Variants in BNC1 observed in about 807,000 individuals in gnomAD.
BNC1 encodes the protein zinc finger protein basonuclin-1.
A neutral mutation model predicts 66.5 loss-of-function variants in BNC1; 8 were observed. The ratio of observed to expected loss-of-function variants is 0.12; its 90% CI spans 0.07 to 0.22. The LOEUF is 0.22. Among genes scored for constraint, BNC1 ranks in the 10% least tolerant of loss-of-function variants. The pLI, the probability that BNC1 is intolerant of heterozygous loss-of-function variation, is 1.00. For missense variants in BNC1, 1,069 were observed against 1,241.3 expected (o/e 0.86, Z 2.09); for synonymous variants, 454 against 452.6 (o/e 1.00, Z -0.04).
chr15:83,272,001 C>A (rs2038274565), intron 1 of BNC1, among the ~76,000 whole-genome samples: 2 of 152,210 alleles, frequency 1.3e-5, no homozygotes, highest in Admixed American at 1.3e-4. Flanking sequence ...GTTTGTAATA[C>A]ACCTAAAACG....
chr15:83,283,986 C>T (rs984219068), intron 1 of BNC1, among the ~76,000 whole-genome samples: 2 of 152,102 alleles, frequency 1.3e-5, no homozygotes, highest in Non-Finnish European at 2.9e-5. Context: ...CCCGTCTCCG[C>T]AGTTCTCCTC....
chr15:83,282,447 T>C (rs2038388691), intron 1 of BNC1, among the ~76,000 whole-genome samples: 1 of 152,250 alleles, frequency 6.6e-6, no homozygotes, highest in African/African-American at 2.4e-5. Context: ...TTCACACCTC[T>C]TTAAAGAGCA....
chr15:83,267,194 C>G (rs548819850), intron 2 of BNC1, 123 bp from the exon 3 acceptor site: 3 of 701,232 alleles, frequency 4.3e-6, no homozygotes, highest in Non-Finnish European at 7.2e-6. Context: ...CATGAATATA[C>G]AAATGATTAA....
intron 4 of BNC1, among the ~76,000 whole-genome samples, chr15:83,262,297 C>T (rs1055312655): frequency 4.6e-5 from 7 of 152,156 alleles, no homozygotes; most frequent in East Asian, 1.9e-4. Context: ...GTGATCTGCC[C>T]GCCCTGGCCT....
intron 1 of BNC1, chr15:83,283,055 A>T: frequency 4.2e-6 from 5 of 1,195,318 alleles, no homozygotes; most frequent in Non-Finnish European, 5.9e-6. Context: ...CGAACCCCCG[A>T]GCGTCTGATG....
intron 1 of BNC1, chr15:83,283,474 G>A (rs1472696845): frequency 5.1e-6 from 5 of 985,298 alleles, no homozygotes; most frequent in Non-Finnish European, 6.0e-6. Context: ...CTCCCGAGAC[G>A]GGCGAGCCAC....
chr15:83,258,150 G>A, intron 4 of BNC1, 24 bp from the exon 5 acceptor site: 2 of 1,567,254 alleles, frequency 1.3e-6, no homozygotes, highest in Non-Finnish European at 8.7e-7. Context: ...AAGATGGTTA[G>A]TAATGGGTTG....
At position 83,264,736 on chromosome 15, in the gene BNC1, C is replaced by T. The variant is rs776204255; in HGVS notation, c.515G>A (p.Arg172His). The T allele has an allele frequency of 1.9e-6, 3 of 1,614,022 alleles. No individual in the cohort carries two copies. Among genetic ancestry groups the T allele is most frequent in the South Asian group, 1.1e-5 (1 of 91,072 alleles). The change falls in exon 4 of 5, where the codon CGT becomes CAT. Residue 172 changes from arginine (R) to histidine (H), a missense_variant. Arg to His is a conservative substitution (Grantham distance 29, BLOSUM62 0). This residue lies in a region of BNC1 where 181 missense variants were observed against 181.5 expected (regional missense o/e 1.00). Transcript: ENST00000345382. ...AACTATAGATTTGGTCTCTCCAAAA[C>T]GAAGGAACTGCTGCAAGGTGGCCAC... ...EEVATLQQFL[R>H]FGETKSIVEL...
In BNC1 at chr15:83,259,771, T is replaced by C. The variant is rs527487092; in HGVS notation, c.2301-1645A>G. On this transcript the variant is annotated intron_variant, in intron 4 of 4. Coordinates refer to ENST00000345382, the MANE Select transcript of BNC1 (RefSeq NM_001717.4). Reference sequence around the variant, plus strand: ...CTCCTGAGTATTCCATGCATACTAATGGCTAACTTGTGGGCTCTCGCTCCT... The same window carrying C: ...CTCCTGAGTATTCCATGCATACTAACGGCTAACTTGTGGGCTCTCGCTCCT... Among the ~76,000 whole-genome samples, 11 of 152,318 alleles carry C rather than the reference T, an allele frequency of 7.2e-5. No individual in the cohort carries two copies. The South Asian group carries it at 1.9e-3, about 26-fold the overall frequency.
rs1340436632 is a variant in BNC1 at position 83,258,052 on chromosome 15, C to T, written c.2375G>A (p.Arg792His). ...CACATCTTTCAGAAGGTAAGCTGCA[C>T]GGAAATGATCTTCACTACTCTCCAA... ...EALESSEDHF[R>H]AAYLLKDVAK... The change falls in exon 5 of 5, where the codon CGT becomes CAT. Residue 792 changes from arginine to histidine, a missense_variant. Physicochemically the swap from Arg to His is conservative, Grantham distance 29. This residue lies in a region of BNC1 where 657 missense variants were observed against 715.8 expected (regional missense o/e 0.92). Transcript: ENST00000345382. The T allele has an allele frequency of 8.7e-6, 14 of 1,613,470 alleles. No individual in the cohort carries two copies. The highest frequency in any genetic ancestry group is 1.7e-5 in the Admixed American group (1 of 60,000).
chr15:83,264,499 G>A lies in BNC1; in HGVS notation c.752C>T (p.Pro251Leu), dbSNP rs1240385925. Residue 251 changes from proline (P) to leucine (L), a missense_variant, in exon 4 of 5, where the codon CCT (proline) becomes CTT (leucine). By Grantham distance (98) the Pro-to-Leu change is moderately conservative. Around this residue, in one of 7 missense-constraint regions of BNC1, gnomAD observed 181 missense variants for 181.5 expected, o/e 1.00. Transcript: ENST00000345382. ...TFMLPFQFFNPLPPALIGSLP... is the reference protein window; with the variant it reads ...TFMLPFQFFNLLPPALIGSLP... ...TGACCCTATCAGTGCAGGAGGCAGA[G>A]GGTTGAAGAACTGGAAAGGCAGCAT... 1 of 1,614,050 alleles carries A rather than the reference G, an allele frequency of 6.2e-7. No homozygotes were observed. The highest frequency in any genetic ancestry group is 8.5e-7 in the Non-Finnish European group (1 of 1,180,036).
At position 83,267,062 on chromosome 15, in the gene BNC1, T is replaced by C; in HGVS notation, c.209A>G (p.Lys70Arg). The change falls in exon 3 of 5, where the codon AAG (lysine) becomes AGG (arginine). Residue 70 changes from lysine (K) to arginine (R), a missense_variant. Physicochemically the swap from Lys to Arg is conservative, Grantham distance 26. Around this residue, in one of 7 missense-constraint regions of BNC1, gnomAD observed 2 missense variants for 17.2 expected, o/e 0.12. Transcript: ENST00000345382. ...KHGWVAHALS[K>R]LRIPPMYPTS... ...TGGATACATGGGGGGGATCCTTAGC[T>C]TACTTAGAGCTGAAAAATCAAATTG... 6.2e-7 allele frequency: 1 copy of C among 1,612,186 alleles called. No individual in the cohort carries two copies. Among genetic ancestry groups the C allele is most frequent in the Non-Finnish European group, 8.5e-7 (1 of 1,178,300 alleles).
rs1346986613 is a variant in BNC1 at position 83,268,352 on chromosome 15, T to C, written c.100-120A>G. Reference sequence around the variant, plus strand: ...CACTTATTGAGCAATATGTGCCCACTGTGTGCCAGGCCCAGAAGTGTATAT... The same window carrying C: ...CACTTATTGAGCAATATGTGCCCACCGTGTGCCAGGCCCAGAAGTGTATAT... On this transcript the variant is annotated intron_variant, in intron 1 of 4. Transcript: ENST00000345382. The C allele has an allele frequency of 6.9e-6, 6 of 863,772 alleles. No individual in the cohort carries two copies. The East Asian group carries it at 1.6e-4, about 22-fold the overall frequency. The allele number at this position is 863,772 out of a possible 1,614,324, so 53.5% of individuals were successfully genotyped here.
chr15:83,281,852 C>T (rs561422801), intron 1 of BNC1, among the ~76,000 whole-genome samples: 3 of 152,332 alleles, frequency 2.0e-5, no homozygotes, highest in South Asian at 4.1e-4. Flanking sequence ...CGGGTTGGAT[C>T]GTCTTTCCAA....
At chr15:83,282,025 A>T (rs374514228) in intron 1 of BNC1, among the ~76,000 whole-genome samples, 11 of 152,262 alleles carry the variant, frequency 7.2e-5, no homozygotes, top group African/African-American at 2.7e-4. Flanking sequence ...AATTATAACC[A>T]CAGCAAACAG....
At chr15:83,275,395 C>A (rs1311720599) in intron 1 of BNC1, among the ~76,000 whole-genome samples, 1 of 150,208 alleles carries the variant, frequency 6.7e-6, no homozygotes, top group Admixed American at 6.7e-5. Context: ...ACTTGGGAGG[C>A]TGAGGCAGGA....
intron 1 of BNC1, chr15:83,282,988 A>C (rs2038395300): frequency 2.1e-6 from 2 of 970,970 alleles, no homozygotes; most frequent in Non-Finnish European, 3.0e-6. Flanking sequence ...GCCGCTTTAA[A>C]TGCCCTGGCC....
At chr15:83,284,418 G>T in intron 1 of BNC1, 112 bp downstream of exon 1, 1 of 633,842 alleles carries the variant, frequency 1.6e-6, no homozygotes, top group Non-Finnish European at 2.0e-6. Flanking sequence ...TAGCCAGCTG[G>T]CCCTCGGGAG....
At chr15:83,272,983 G>T (rs1231925309) in intron 1 of BNC1, among the ~76,000 whole-genome samples, 1 of 152,128 alleles carries the variant, frequency 6.6e-6, no homozygotes, top group Non-Finnish European at 1.5e-5. Context: ...TGCCCTTGGG[G>T]GGGGGCCTAT....
Sources: gnomAD v4.1 joint callset for allele counts (sites outside exome capture counted in the v4.1 genomes callset) on GRCh38, gnomAD v4.1.1 for gene constraint, gnomAD v4.1.1 regional missense constraint, MANE v1.5 for transcripts, NCBI Gene and HGNC (gene_info 2026-07-23, HGNC 2026-07-21) for gene names.